VPS13C: variants seen among roughly 807,000 people sequenced by gnomAD.
The protein encoded by VPS13C is vacuolar protein sorting 13 homolog C.
Under a neutral mutation model 456.8 loss-of-function variants are expected in VPS13C, and 358 were observed. That is an observed-to-expected ratio of 0.78 (90% CI 0.72 to 0.86). The LOEUF (loss-of-function observed/expected upper bound fraction) is 0.86. VPS13C is among the 40% of genes least tolerant of loss of function. VPS13C has a pLI of 0.00. For synonymous variants in VPS13C, 1,578 were observed against 1,486.7 expected (o/e 1.06, Z -1.41); for missense variants, 4,818 against 4,385.4 (o/e 1.10, Z -2.79).
intron 31 of VPS13C, among the ~76,000 whole-genome samples, chr15:61,964,402 C>T (rs2045314524): frequency 6.6e-6 from 1 of 151,988 alleles, no homozygotes; most frequent in Admixed American, 6.6e-5. Flanking sequence ...TATAAAGCCC[C>T]TTCAGGAGCC....
rs530436988 is a variant in VPS13C, at chr15:61,941,903, T to C, written c.5313A>G (p.Ser1771=). Residue 1771 remains serine (S), a synonymous_variant, in exon 46 of 85, where the codon TCA becomes TCG. Transcript: ENST00000644861. The part of the protein sequence containing the change: ...KAPVIIIPQS[S]VSPNAVIADL... ...CTGCTATAACAGCATTAGGTGATACTGAAGACTGAGGAATAATAATAACTG... is the reference window on the plus strand; with the variant it reads ...CTGCTATAACAGCATTAGGTGATACCGAAGACTGAGGAATAATAATAACTG... 1.9e-5 allele frequency: 31 copies of C among 1,614,056 alleles called. 1 individual carries two copies. The Middle Eastern group carries it at 4.9e-4, about 26-fold the overall frequency.
intron 80 of VPS13C, 66 bp downstream of exon 80, chr15:61,869,434 T>C (rs1327841058): frequency 3.2e-6 from 5 of 1,561,676 alleles, no homozygotes; most frequent in African/African-American, 2.7e-5. Flanking sequence ...ATCTAATCTA[T>C]TTATGTATTC....
intron 9 of VPS13C, among the ~76,000 whole-genome samples, chr15:62,016,690 G>C (rs1268122337): frequency 1.3e-5 from 2 of 152,024 alleles, no homozygotes; most frequent in Non-Finnish European, 2.9e-5. Flanking sequence ...ACTTGGGTTG[G>C]TTCCAAGTCT....
chr15:62,032,657 T>C (rs2047857638), intron 5 of VPS13C, among the ~76,000 whole-genome samples: 1 of 151,796 alleles, frequency 6.6e-6, no homozygotes, highest in South Asian at 2.1e-4. Flanking sequence ...ATTAACATCA[T>C]TTCTAACTCA....
At chr15:61,951,048 T>C (rs1309728805) in intron 39 of VPS13C, 24 bp from the exon 40 acceptor site, 1 of 1,466,830 alleles carries the variant, frequency 6.8e-7, no homozygotes, top group African/African-American at 1.4e-5. Context: ...AAGACAAAGT[T>C]GATCCATCAA....
chr15:61,977,244 G>C (rs1269950566), intron 23 of VPS13C, 45 bp from the exon 24 acceptor site: 1 of 1,161,608 alleles, frequency 8.6e-7, no homozygotes, highest in African/African-American at 1.6e-5. Flanking sequence ...TTTACAAACA[G>C]CCATGGAACA....
At chr15:61,927,385 A>G in intron 51 of VPS13C, 65 bp from the exon 52 acceptor site, 1 of 1,263,114 alleles carries the variant, frequency 7.9e-7, no homozygotes, top group Non-Finnish European at 1.1e-6. Flanking sequence ...ACTACATGTT[A>G]TCTACAAGTT....
chr15:62,023,121 TATA>T (rs898025509), intron 8 of VPS13C, among the ~76,000 whole-genome samples: 17 of 151,960 alleles, frequency 1.1e-4, no homozygotes, highest in African/African-American at 3.9e-4. Flanking sequence ...TCCTTAAAGT[TATA>T]ATATTATGTC....
At chr15:62,023,595 G>A in intron 7 of VPS13C, 75 bp from the exon 8 acceptor site, 1 of 1,195,024 alleles carries the variant, frequency 8.4e-7, no homozygotes, top group East Asian at 2.6e-5. Flanking sequence ...CCAAAGGATA[G>A]CTAAGGTACT....
chr15:61,924,072 T>G (rs951519479), intron 53 of VPS13C, among the ~76,000 whole-genome samples: 3 of 151,582 alleles, frequency 2.0e-5, no homozygotes, highest in Non-Finnish European at 4.4e-5. Flanking sequence ...TTCACCGTTT[T>G]AGCCGGGATG....
chr15:62,037,247 ATATATTTATAT>A (rs2048043549), intron 3 of VPS13C, among the ~76,000 whole-genome samples: 1 of 23,440 alleles, frequency 4.3e-5, no homozygotes, highest in African/African-American at 1.6e-4. Context: ...AATATATATA[ATATATTTATAT>A]ATATTATATT....
intron 35 of VPS13C, among the ~76,000 whole-genome samples, chr15:61,961,108 G>C (rs2045182525): frequency 6.6e-6 from 1 of 151,188 alleles, no homozygotes; most frequent in East Asian, 1.9e-4. Flanking sequence ...ACTCTTCTGG[G>C]CCAGGCGCGG....
intron 1 of VPS13C, among the ~76,000 whole-genome samples, chr15:62,056,462 A>G (rs995105196): frequency 3.3e-5 from 5 of 152,262 alleles, no homozygotes; most frequent in African/African-American, 7.2e-5. Flanking sequence ...TCCTTGGTCT[A>G]GCGGTAACGC....
chr15:62,054,527 C>T (rs1366830234), intron 1 of VPS13C, among the ~76,000 whole-genome samples: 3 of 152,100 alleles, frequency 2.0e-5, no homozygotes, highest in African/African-American at 7.2e-5. Context: ...ACAATGACAA[C>T]ACATGGACAC....
At chr15:61,915,543 G>C in intron 61 of VPS13C, 90 bp downstream of exon 61, 1 of 1,339,480 alleles carries the variant, frequency 7.5e-7, no homozygotes, top group Admixed American at 2.7e-5. Context: ...TAGCAAATAG[G>C]TTAGCATGGT....
chr15:62,028,357 C>T lies in VPS13C; in HGVS notation c.448+1G>A. ...GAATATAATTAACCATGCATACCCA[C>T]CAGGCTTGATGTCCTTGTAAACAAA... is the stretch of plus-strand genomic sequence containing the variant. On this transcript the variant is annotated splice_donor_variant, in intron 6 of 84. Transcript: ENST00000644861. LOFTEE classifies it high-confidence loss of function. The T allele has an allele frequency of 4.3e-6, 7 of 1,612,814 alleles. No homozygotes were observed. Among genetic ancestry groups the T allele is most frequent in the Non-Finnish European group, 5.9e-6 (7 of 1,179,174 alleles).
In VPS13C at chr15:61,922,474, A is replaced by G. The variant is rs199912583; in HGVS notation, c.6898T>C (p.Leu2300=). Residue 2300 remains leucine (L), a synonymous_variant, in exon 54 of 85, where the codon TTG becomes CTG. Transcript: ENST00000644861. The part of the protein sequence containing the change: ...GLGHRTVPLL[L]AESKFSGNIK... Reference sequence around the variant, plus strand: ...TTTCCTGAAAACTTAGACTCTGCCAATAATAAAGGTACAGTTCGATGTCCA... The same window carrying G: ...TTTCCTGAAAACTTAGACTCTGCCAGTAATAAAGGTACAGTTCGATGTCCA... 8.1e-6 allele frequency: 13 copies of G among 1,614,082 alleles called. No homozygotes were observed. The highest frequency in any genetic ancestry group is 1.0e-5 in the Non-Finnish European group (12 of 1,179,950).
rs1430065548 is a variant in VPS13C, at chr15:62,060,379, G to A, written c.-5C>T. The A allele has an allele frequency of 1.3e-6, 2 of 1,549,070 alleles. No individual in the cohort carries two copies. The highest frequency in any genetic ancestry group is 1.8e-6 in the Non-Finnish European group (2 of 1,136,964). On this transcript the variant is annotated 5_prime_UTR_variant, in exon 1 of 85. Coordinates refer to ENST00000644861, the MANE Select transcript of VPS13C (RefSeq NM_020821.3). ...GACCACCGACTCCAGCACCATGGTG[G>A]CGCTGAGGCACAAGGAGAGGGAGGA...
At position 62,010,481 on chromosome 15, in the gene VPS13C, G is replaced by C; in HGVS notation, c.1002C>G (p.Thr334=). 6.2e-7 allele frequency: 1 copy of C among 1,608,804 alleles called. No homozygotes were observed. The highest frequency in any genetic ancestry group is 1.7e-5 in the Admixed American group (1 of 58,858). The change falls in exon 13 of 85, where the codon ACC becomes ACG. Residue 334 remains threonine (T), a synonymous_variant. Coordinates refer to ENST00000644861, the MANE Select transcript of VPS13C (RefSeq NM_020821.3). ...TCCACATGAATCATACCTGAGGTTT[G>C]GTCAGTTCAATGGCAATATTTTGTA... ...IEIQNIAIEL[T]KPQYLSMIDL...
Sources: gnomAD v4.1 joint callset for allele counts (sites outside exome capture counted in the v4.1 genomes callset) on GRCh38, gnomAD v4.1.1 for gene constraint, MANE v1.5 for transcripts, NCBI Gene and HGNC (gene_info 2026-07-23, HGNC 2026-07-21) for gene names.